The following MPPED2 variants were observed in gnomAD, a reference collection of about 807,000 sequenced individuals.
MPPED2 encodes metallophosphoesterase domain containing 2.
Under a neutral mutation model 33.0 loss-of-function variants are expected in MPPED2, and 5 were observed. That is an observed-to-expected ratio of 0.15 (90% CI 0.08 to 0.32). The LOEUF (loss-of-function observed/expected upper bound fraction) is 0.32. MPPED2 is among the 10% of genes least tolerant of loss of function. The pLI, the probability that MPPED2 is intolerant of heterozygous loss-of-function variation, is 1.00. For synonymous variants in MPPED2, 136 were observed against 141.9 expected, an observed-to-expected ratio of 0.96 and a Z score of 0.29; for missense variants, 275 against 372.1, an observed-to-expected ratio of 0.74 and a Z score of 2.15.
At chr11:30,422,294 G>A (rs536819230) in intron 4 of MPPED2, among the ~76,000 whole-genome samples, 2 of 152,278 alleles carry the variant, frequency 1.3e-5, no homozygotes, top group African/African-American at 4.8e-5. Flanking sequence ...TTTCCAACCT[G>A]CACCTCTGAA....
At chr11:30,502,492 C>G (rs982038322) in intron 3 of MPPED2, among the ~76,000 whole-genome samples, 1 of 152,124 alleles carries the variant, frequency 6.6e-6, no homozygotes, top group East Asian at 1.9e-4. Flanking sequence ...AAACATTCCC[C>G]GAATGCTACT....
At chr11:30,407,197 G>A (rs910702518), downstream of MPPED2, among the ~76,000 whole-genome samples, 2 of 152,216 alleles carry the variant, frequency 1.3e-5, no homozygotes, top group Admixed American at 6.5e-5. Flanking sequence ...AGGGATTTCA[G>A]CAACCTCCCA....
At chr11:30,393,608 A>G (rs1384032355) in intron 6 of MPPED2, among the ~76,000 whole-genome samples, 3 of 151,980 alleles carry the variant, frequency 2.0e-5, no homozygotes. Flanking sequence ...TTATGTTTAG[A>G]ACTTCATCCT....
In MPPED2 at chr11:30,421,978, A is replaced by G. The variant is rs549549489; in HGVS notation, c.537-4345T>C. 1.2e-4 allele frequency among the ~76,000 whole-genome samples: 19 copies of G among 152,296 alleles called. No homozygotes were observed. In the East Asian group the frequency reaches 3.7e-3, roughly 29 times the overall value. ...AATGGAAAAAGCAGCCCACTGATGG[A>G]TTCCAGAATTATCTCAGCGTGGCAT... On this transcript the variant is annotated intron_variant, in intron 4 of 6. Transcript: ENST00000358117.
At chr11:30,528,456 C>T (rs1326073944) in intron 3 of MPPED2, among the ~76,000 whole-genome samples, 1 of 152,018 alleles carries the variant, frequency 6.6e-6, no homozygotes, top group Non-Finnish European at 1.5e-5. Flanking sequence ...CAGGGTTTTG[C>T]CATGTTGCCC....
intron 4 of MPPED2, among the ~76,000 whole-genome samples, chr11:30,425,777 C>A (rs1948810947): frequency 6.6e-6 from 1 of 152,186 alleles, no homozygotes; most frequent in Admixed American, 6.5e-5. Flanking sequence ...GTGAACTTAG[C>A]AGCCCCCAGT....
At chr11:30,570,365 G>A (rs1956637580) in intron 2 of MPPED2, among the ~76,000 whole-genome samples, 1 of 152,058 alleles carries the variant, frequency 6.6e-6, no homozygotes, top group South Asian at 2.1e-4. Flanking sequence ...CACCTTGGGA[G>A]TTAGGATTTC....
chr11:30,566,166 G>A (rs923640643), intron 2 of MPPED2, among the ~76,000 whole-genome samples: 10 of 152,290 alleles, frequency 6.6e-5, no homozygotes, highest in East Asian at 1.9e-4. Context: ...CAGTTGTCAC[G>A]TTCCAGGTAA....
At chr11:30,479,710 A>G (rs563523114) in intron 4 of MPPED2, among the ~76,000 whole-genome samples, 1 of 152,142 alleles carries the variant, frequency 6.6e-6, no homozygotes, top group Admixed American at 6.5e-5. Context: ...AATTTTATGT[A>G]TTTTTCCTAA....
At chr11:30,407,068 CCCAGCTT>C (rs1467842202), downstream of MPPED2, among the ~76,000 whole-genome samples, 9 of 152,282 alleles carry the variant, frequency 5.9e-5, no homozygotes, top group East Asian at 1.7e-3. Flanking sequence ...CCCAAATCCT[CCCAGCTT>C]CCGTTTCTCC....
intron 3 of MPPED2, among the ~76,000 whole-genome samples, chr11:30,521,822 C>T (rs938104998): frequency 1.4e-4 from 21 of 152,162 alleles, no homozygotes; most frequent in African/African-American, 4.8e-4. Context: ...GGATGTGGGA[C>T]ATAGATACTG....
At chr11:30,532,631 C>A (rs1954591264) in intron 3 of MPPED2, among the ~76,000 whole-genome samples, 1 of 152,160 alleles carries the variant, frequency 6.6e-6, no homozygotes, top group Admixed American at 6.6e-5. Context: ...TGGAAATGAG[C>A]AAATCAAGGC....
chr11:30,550,021 C>T lies in MPPED2; in HGVS notation c.129-13846G>A, dbSNP rs144623787. 1.2e-3 allele frequency among the ~76,000 whole-genome samples: 178 copies of T among 152,220 alleles called. 1 individual carries two copies. The highest frequency in any genetic ancestry group is 4.2e-3 in the African/African-American group (173 of 41,532). On this transcript the variant is annotated intron_variant, in intron 2 of 6. Transcript: ENST00000358117. ...TAAAATAATAATAAGATAGTAGCAC[C>T]TATCAAGCCTTCAGATTTGCTTTGA...
At position 30,433,072 on chromosome 11, in the gene MPPED2, G is replaced by C. The variant is rs75508003; in HGVS notation, c.537-15439C>G. Among the ~76,000 whole-genome samples the C allele has an allele frequency of 1.3e-4, 20 of 152,352 alleles. No homozygotes were observed. In the East Asian group the frequency reaches 3.1e-3, roughly 24 times the overall value. On this transcript the variant is annotated intron_variant, in intron 4 of 6. Coordinates refer to ENST00000358117, the MANE Select transcript of MPPED2 (RefSeq NM_001584.3). ...TCTAGAAGCTGGGTACAGGGACTAT[G>C]AGTTGGAGAGAGGTGAACCAAGGTT...
intron 1 of MPPED2, among the ~76,000 whole-genome samples, chr11:30,585,760 C>G (rs1461082453): frequency 6.6e-6 from 1 of 152,090 alleles, no homozygotes; most frequent in African/African-American, 2.4e-5. Flanking sequence ...GGAGGGAAGA[C>G]ACCTCCTAAA....
At chr11:30,472,913 TA>T (rs1349369924) in intron 4 of MPPED2, among the ~76,000 whole-genome samples, 3 of 152,232 alleles carry the variant, frequency 2.0e-5, no homozygotes, top group South Asian at 2.1e-4. Context: ...TTTACCACTA[TA>T]AAAAATGTTG....
At chr11:30,388,898 T>C (rs1259502777) in exon 7 of MPPED2, 1 of 1,564,538 alleles carries the variant, frequency 6.4e-7, no homozygotes, top group Admixed American at 1.9e-5. Context: ...ACTAGGAAGT[T>C]TTTGAAGGCA....
intron 6 of MPPED2, among the ~76,000 whole-genome samples, chr11:30,401,316 C>A (rs1284989423): frequency 1.3e-5 from 2 of 152,150 alleles, no homozygotes; most frequent in African/African-American, 2.4e-5. Context: ...TGGTTGGGTT[C>A]TCTCTTTGGC....
chr11:30,444,450 ATT>A (rs59838605), intron 4 of MPPED2, among the ~76,000 whole-genome samples: 2,400 of 139,416 alleles, frequency 0.017, 62 homozygotes, highest in African/African-American at 0.056. Flanking sequence ...ACATCATTCT[ATT>A]TTTTTTTTTT....
Sources: gnomAD v4.1 joint callset for allele counts (sites outside exome capture counted in the v4.1 genomes callset) on GRCh38, gnomAD v4.1.1 for gene constraint, MANE v1.5 for transcripts, NCBI Gene and HGNC (gene_info 2026-07-23, HGNC 2026-07-21) for gene names.